Variants in SLIT1 observed in about 807,000 individuals in gnomAD.
SLIT1 encodes the protein slit guidance ligand 1.
Under a neutral mutation model 186.1 loss-of-function variants are expected in SLIT1, and 66 were observed. That is an observed-to-expected ratio of 0.35 (90% CI 0.29 to 0.44). The LOEUF is 0.44. Among genes scored for constraint, SLIT1 ranks in the 20% least tolerant of loss-of-function variants. SLIT1 has a pLI of 1.00. For synonymous variants in SLIT1, 761 were observed against 833.8 expected (o/e 0.91, Z 1.50); for missense variants, 1,638 against 2,037.4 (o/e 0.80, Z 3.77).
chr10:97,125,830 C>T (rs1849599106), intron 4 of SLIT1, among the ~76,000 whole-genome samples: 1 of 151,764 alleles, frequency 6.6e-6, no homozygotes, highest in Non-Finnish European at 1.5e-5. Context: ...CAGAGTGAGA[C>T]TGTCTCAAAA....
chr10:97,001,052 T>A lies in SLIT1; in HGVS notation c.*60A>T. On this transcript the variant is annotated 3_prime_UTR_variant, in exon 37 of 37. Coordinates refer to ENST00000266058, the MANE Select transcript of SLIT1 (RefSeq NM_003061.3). ...CCCAGCCCAGCTGCTGGCGACTGTC[T>A]CCGCTGCTGCAGCGGCTGGGGCCCC... 7.2e-7 allele frequency: 1 copy of A among 1,390,842 alleles called. No individual in the cohort carries two copies. The highest frequency in any genetic ancestry group is 1.0e-6 in the Non-Finnish European group (1 of 989,718). 86.2% of individuals were successfully genotyped at this position (1,390,842 alleles called of 1,614,324 possible). A position where few individuals can be genotyped will look rare whatever the true frequency, so the allele number is the denominator to read the frequency against.
At chr10:97,038,722 A>C (rs1399457376) in intron 21 of SLIT1, among the ~76,000 whole-genome samples, 1 of 152,032 alleles carries the variant, frequency 6.6e-6, no homozygotes, top group Non-Finnish European at 1.5e-5. Flanking sequence ...CACTTCCCAA[A>C]GCCCCAGAGA....
At position 97,037,775 on chromosome 10, in the gene SLIT1, A is replaced by G. The variant is rs753953594; in HGVS notation, c.2298-9T>C. ...GGTTCCCGTCCAAATAGCTGCAGAG[A>G]GAACACAGCGGCGTTAGTGCCCATC... is the stretch of plus-strand genomic sequence containing the variant. On this transcript the variant is annotated splice_polypyrimidine_tract_variant and intron_variant, in intron 21 of 36. Coordinates refer to ENST00000266058, the MANE Select transcript of SLIT1 (RefSeq NM_003061.3). The G allele has an allele frequency of 1.3e-6, 2 of 1,597,490 alleles. No homozygotes were observed. The highest frequency in any genetic ancestry group is 8.6e-7 in the Non-Finnish European group (1 of 1,166,326).
At chr10:97,061,711 G>A (rs1475673550) in intron 8 of SLIT1, among the ~76,000 whole-genome samples, 1 of 152,144 alleles carries the variant, frequency 6.6e-6, no homozygotes, top group African/African-American at 2.4e-5. Flanking sequence ...CTCCAATTTG[G>A]GGCTATTATG....
At chr10:97,126,961 C>T (rs1849608487) in intron 4 of SLIT1, among the ~76,000 whole-genome samples, 1 of 152,170 alleles carries the variant, frequency 6.6e-6, no homozygotes, top group Non-Finnish European at 1.5e-5. Context: ...AACATACGGC[C>T]AAACACTCCT....
chr10:97,006,373 G>A lies in SLIT1; in HGVS notation c.3579+110C>T, dbSNP rs1179895496. On this transcript the variant is annotated intron_variant, in intron 32 of 36. Transcript: ENST00000266058. The surrounding 1 kb of genome is among the most constrained non-coding windows in gnomAD (Gnocchi z 4.0). ...ATGCAAAACGTTTTGATTACACAGA[G>A]TCCTTCCAGTTCCCCAGGCACCATG... 1 of 721,346 alleles carries A rather than the reference G, an allele frequency of 1.4e-6. No individual in the cohort carries two copies. Among genetic ancestry groups the A allele is most frequent in the Non-Finnish European group, 2.4e-6 (1 of 413,790 alleles). 44.7% of individuals were successfully genotyped at this position (721,346 alleles called of 1,614,324 possible).
At chr10:97,009,884 C>G (rs181715913) in intron 31 of SLIT1, among the ~76,000 whole-genome samples, 1 of 152,290 alleles carries the variant, frequency 6.6e-6, no homozygotes, top group East Asian at 1.9e-4. Flanking sequence ...TGAAAAGATG[C>G]TCAACATTAT....
chr10:97,167,515 G>A (rs1411526332), intron 1 of SLIT1, among the ~76,000 whole-genome samples: 1 of 152,186 alleles, frequency 6.6e-6, no homozygotes, highest in Non-Finnish European at 1.5e-5. Context: ...GTATTGCTTG[G>A]TTGAATTCAG....
At chr10:97,164,702 G>T (rs1268146394) in intron 2 of SLIT1, 117 bp downstream of exon 2, 3 of 770,322 alleles carry the variant, frequency 3.9e-6, no homozygotes, top group Middle Eastern at 3.1e-4. Flanking sequence ...TGCCAAGACT[G>T]ACTCCGTGGT....
chr10:97,048,993 C>A lies in SLIT1; in HGVS notation c.1427G>T (p.Arg476Leu), dbSNP rs945505865. Residue 476 changes from arginine to leucine, a missense_variant, in exon 14 of 37, where the codon CGC (arginine) becomes CTC (leucine). Physicochemically the swap from Arg to Leu is moderately radical, Grantham distance 102. This residue lies in a region of SLIT1 where 1,245 missense variants were observed against 1,535.3 expected (regional missense o/e 0.81). Coordinates refer to ENST00000266058, the MANE Select transcript of SLIT1 (RefSeq NM_003061.3). Reference protein sequence around the residue: ...CASPRRLANKRIGQIKSKKFR... With the variant: ...CASPRRLANKLIGQIKSKKFR... The stretch of plus-strand genomic sequence containing the variant: ...CTTCTTGCTCTTGATCTGCCCGATG[C>A]GCTTGTTGGCGAGGCGCCGGGGACT... The A allele has an allele frequency of 1.9e-6, 3 of 1,609,770 alleles. No homozygotes were observed. The highest frequency in any genetic ancestry group is 1.7e-6 in the Non-Finnish European group (2 of 1,179,184).
chr10:97,083,580 TA>T (rs1312350218), intron 4 of SLIT1, among the ~76,000 whole-genome samples: 1 of 152,216 alleles, frequency 6.6e-6, no homozygotes, highest in East Asian at 1.9e-4. Context: ...GATGCTTGTA[TA>T]ATAAATTCTA....
chr10:97,003,826 T>C (rs1848334175), intron 34 of SLIT1, among the ~76,000 whole-genome samples: 1 of 152,082 alleles, frequency 6.6e-6, no homozygotes, highest in Non-Finnish European at 1.5e-5. Flanking sequence ...GCTCGGACAG[T>C]CCCAGGGCCT....
intron 8 of SLIT1, 126 bp downstream of exon 8, chr10:97,063,329 C>T (rs1464801255): frequency 1.0e-6 from 1 of 994,598 alleles, no homozygotes; most frequent in Non-Finnish European, 1.5e-6. Flanking sequence ...ATGGGTGGGG[C>T]CAGGTGATGG....
At chr10:97,026,683 T>C (rs1848549073) in intron 25 of SLIT1, among the ~76,000 whole-genome samples, 2 of 152,244 alleles carry the variant, frequency 1.3e-5, no homozygotes, top group Non-Finnish European at 1.5e-5. Flanking sequence ...AAGACAGACA[T>C]TGGGGAACCC....
chr10:96,998,857 AG>A lies in SLIT1; in HGVS notation c.*2254del, dbSNP rs1214673048. 2 of 152,190 alleles carry A rather than the reference AG, an allele frequency of 1.3e-5. No homozygotes were observed. The highest frequency in any genetic ancestry group is 4.8e-5 in the African/African-American group (2 of 41,438). The allele number at this position is 152,190 out of a possible 1,614,324, so 9.4% of individuals were successfully genotyped here. ...CCTCCCAGCCCCATGGCGCCAGGTG[AG>A]GGGTGAGCATCACCTGTCTACAGGT... On this transcript the variant is annotated 3_prime_UTR_variant, in exon 37 of 37. Coordinates refer to ENST00000266058, the MANE Select transcript of SLIT1 (RefSeq NM_003061.3).
Position 97,046,656 on chromosome 10 carries a change from G to C in SLIT1, c.1851C>G (p.Thr617=). The part of the protein sequence containing the change: ...GMFRGLDGLR[T]LMLRNNRISC... ...GCTCCCCAGCCCTGCACACTCACAGGGTCCTCAAGCCATCCAGACCCCGGA... is the reference window on the plus strand; with the variant it reads ...GCTCCCCAGCCCTGCACACTCACAGCGTCCTCAAGCCATCCAGACCCCGGA... The change falls in exon 18 of 37, where the codon ACC becomes ACG. Residue 617 remains threonine (T), a splice_region_variant and synonymous_variant. Coordinates refer to ENST00000266058, the MANE Select transcript of SLIT1 (RefSeq NM_003061.3). The C allele has an allele frequency of 6.2e-7, 1 of 1,606,188 alleles. No homozygotes were observed. The highest frequency in any genetic ancestry group is 8.5e-7 in the Non-Finnish European group (1 of 1,179,272).
intron 4 of SLIT1, among the ~76,000 whole-genome samples, chr10:97,082,470 T>C (rs887479652): frequency 3.3e-5 from 5 of 152,242 alleles, no homozygotes; most frequent in Non-Finnish European, 7.3e-5. Flanking sequence ...AGTCTCGCTC[T>C]GTTGCCCAGG....
chr10:97,073,850 G>C (rs1203234850), intron 4 of SLIT1, among the ~76,000 whole-genome samples: 1 of 152,114 alleles, frequency 6.6e-6, no homozygotes, highest in African/African-American at 2.4e-5. Context: ...AGGATCTGAT[G>C]GGAGAGGTGC....
chr10:97,136,171 C>A (rs115472413), intron 4 of SLIT1, among the ~76,000 whole-genome samples: 1,857 of 152,216 alleles, frequency 0.012, 34 homozygotes, highest in African/African-American at 0.042. Context: ...TCAACTCTGG[C>A]CTTGGGTGAT....
Sources: allele counts gnomAD v4.1 joint callset (sites outside exome capture counted in the v4.1 genomes callset), GRCh38; gene constraint gnomAD v4.1.1; regional missense constraint gnomAD v4.1.1; non-coding constraint Gnocchi (gnomAD v3.1); transcripts MANE v1.5; gene names NCBI Gene and HGNC (gene_info 2026-07-23, HGNC 2026-07-21).